CFAP44: variants seen among roughly 807,000 people sequenced by gnomAD.
CFAP44 encodes cilia- and flagella-associated protein 44.
Under a neutral mutation model 216.2 loss-of-function variants are expected in CFAP44, and 134 were observed. The ratio of observed to expected loss-of-function variants is 0.62; its 90% CI spans 0.54 to 0.72. The LOEUF is 0.72. Ranked by LOEUF, CFAP44 falls within the 30% of genes least tolerant of loss-of-function variation. The pLI is 0.00. For synonymous variants in CFAP44, 700 were observed against 727.6 expected (o/e 0.96, Z 0.61); for missense variants, 2,035 against 2,182.1 (o/e 0.93, Z 1.34).
intron 28 of CFAP44, among the ~76,000 whole-genome samples, chr3:113,311,169 A>C (rs1352184601): frequency 6.6e-6 from 1 of 152,242 alleles, no homozygotes; most frequent in African/African-American, 2.4e-5. Context: ...AAATTTGAAC[A>C]TACTTGAAGG....
At chr3:113,335,250 G>A (rs1176748082) in intron 24 of CFAP44, among the ~76,000 whole-genome samples, 1 of 152,182 alleles carries the variant, frequency 6.6e-6, no homozygotes, top group Non-Finnish European at 1.5e-5. Context: ...TAATTCTTGA[G>A]AAAAGTAAAA....
At chr3:113,335,043 G>C (rs1192975525) in intron 24 of CFAP44, among the ~76,000 whole-genome samples, 4 of 151,822 alleles carry the variant, frequency 2.6e-5, no homozygotes, top group Admixed American at 6.6e-5. Context: ...AAAGGAGAAA[G>C]GGAGAAAGGA....
intron 32 of CFAP44, among the ~76,000 whole-genome samples, chr3:113,297,398 T>C (rs1348843709): frequency 1.3e-5 from 2 of 151,624 alleles, no homozygotes; most frequent in Non-Finnish European, 3.0e-5. Flanking sequence ...TGGCCACCTC[T>C]GTGCTTCTCA....
intron 5 of CFAP44, among the ~76,000 whole-genome samples, chr3:113,417,600 T>C (rs1457995697): frequency 1.3e-5 from 2 of 152,240 alleles, no homozygotes; most frequent in African/African-American, 4.8e-5. Flanking sequence ...GGTTCTCAGA[T>C]ATAGATTGCT....
At chr3:113,375,622 T>TA (rs1933319488) in intron 17 of CFAP44, among the ~76,000 whole-genome samples, 1 of 152,174 alleles carries the variant, frequency 6.6e-6, no homozygotes. Context: ...TGTTGAAATT[T>TA]AGAGTGCTAC....
chr3:113,348,543 C>T (rs7627145), intron 22 of CFAP44, among the ~76,000 whole-genome samples: 13,878 of 152,214 alleles, frequency 0.091, 832 homozygotes, highest in African/African-American at 0.16. Flanking sequence ...TTGCAATTTA[C>T]ATCCCACAGG....
intron 16 of CFAP44, 84 bp from the exon 17 acceptor site, chr3:113,379,635 G>C (rs995905622): frequency 9.2e-7 from 1 of 1,084,092 alleles, no homozygotes; most frequent in African/African-American, 1.6e-5. Context: ...AATGAAAATA[G>C]AAAGAAGATA....
chr3:113,428,293 A>G (rs541293046), intron 2 of CFAP44, among the ~76,000 whole-genome samples: 3 of 152,356 alleles, frequency 2.0e-5, no homozygotes, highest in Non-Finnish European at 2.9e-5. Context: ...AGGAGTTAGA[A>G]CTGGTAGATA....
chr3:113,291,937 T>C (rs1451545461), intron 34 of CFAP44, among the ~76,000 whole-genome samples, 189 bp from the exon 35 acceptor site: 1 of 152,218 alleles, frequency 6.6e-6, no homozygotes, highest in Non-Finnish European at 1.5e-5. Context: ...TTTGGGCTAA[T>C]AAACAACTCT....
chr3:113,349,412 C>T (rs950176084), intron 22 of CFAP44, among the ~76,000 whole-genome samples: 1 of 152,096 alleles, frequency 6.6e-6, no homozygotes. Context: ...GAGGAACATG[C>T]CGAAAAGGAA....
intron 22 of CFAP44, among the ~76,000 whole-genome samples, chr3:113,353,462 A>T (rs1323861654): frequency 7.6e-6 from 1 of 131,684 alleles, no homozygotes; most frequent in Non-Finnish European, 1.7e-5. Flanking sequence ...ATACACACAC[A>T]CACACACACA....
intron 22 of CFAP44, among the ~76,000 whole-genome samples, chr3:113,355,047 C>T (rs968051179): frequency 3.3e-5 from 5 of 152,112 alleles, no homozygotes; most frequent in Admixed American, 2.0e-4. Flanking sequence ...ACCTGGAGCC[C>T]GGTAGCTCTG....
chr3:113,297,045 C>T (rs1249266071), intron 32 of CFAP44, 160 bp from the exon 33 acceptor site: 1 of 888,348 alleles, frequency 1.1e-6, no homozygotes. Flanking sequence ...CTGCTTTCCT[C>T]ATTTAAAAAT....
chr3:113,306,272 CA>C lies in CFAP44; in HGVS notation c.4686del (p.Ile1562MetfsTer5). ...ALHLREKRLDIEEALVEEKKI... is the reference protein window; with the variant it reads ...ALHLREKRLDXEEALVEEKKI... ...TTCTTTTCTTCAACTAAAGCCTCCT[CA>C]ATGTCCAGCCTTTTCTCTCGAAGGT... On this transcript the variant is annotated frameshift_variant, in exon 30 of 35. Transcript: ENST00000393845. LOFTEE classifies it high-confidence loss of function. 5 of 1,536,994 alleles carry C rather than the reference CA, an allele frequency of 3.3e-6. No homozygotes were observed. Among genetic ancestry groups the C allele is most frequent in the Non-Finnish European group, 4.4e-6 (5 of 1,146,756 alleles).
At chr3:113,342,194 G>A (rs1039574875) in intron 23 of CFAP44, among the ~76,000 whole-genome samples, 6 of 151,974 alleles carry the variant, frequency 3.9e-5, no homozygotes, top group South Asian at 2.1e-4. Flanking sequence ...TTAGCCAGCC[G>A]TGGTGGTGCA....
chr3:113,360,063 T>C (rs745569824), intron 21 of CFAP44, among the ~76,000 whole-genome samples: 1 of 151,658 alleles, frequency 6.6e-6, no homozygotes, highest in Non-Finnish European at 1.5e-5. Flanking sequence ...CCTATACTTA[T>C]GTCTTATCTT....
At position 113,366,072 on chromosome 3, in the gene CFAP44, C is replaced by T; in HGVS notation, c.2682G>A (p.Arg894=). The change falls in exon 19 of 35, where the codon AGG becomes AGA. Residue 894 remains arginine, a synonymous_variant. Coordinates refer to ENST00000393845, the MANE Select transcript of CFAP44 (RefSeq NM_001164496.2). ...VFNIFSEFML[R]KDMKAKVPSP... is the part of the protein sequence containing the mutation. ...ATGGAACTTTGGCCTTCATGTCTTT[C>T]CTTAGCATAAATTCAGAAAAAATGT... is the stretch of plus-strand genomic sequence containing the variant. 6.2e-7 allele frequency: 1 copy of T among 1,613,396 alleles called. No homozygotes were observed. Among genetic ancestry groups the T allele is most frequent in the African/African-American group, 1.3e-5 (1 of 74,988 alleles).
chr3:113,319,312 A>G (rs906904523), intron 28 of CFAP44, among the ~76,000 whole-genome samples: 22 of 152,238 alleles, frequency 1.4e-4, no homozygotes, highest in African/African-American at 4.6e-4. Context: ...ACAGACTTTA[A>G]ACCAATAAAA....
At chr3:113,400,867 C>T (rs1399153103) in intron 11 of CFAP44, among the ~76,000 whole-genome samples, 1 of 151,936 alleles carries the variant, frequency 6.6e-6, no homozygotes, top group Non-Finnish European at 1.5e-5. Flanking sequence ...GCGCAAGTCA[C>T]CTCAAATGCC....
Sources: gnomAD v4.1 joint callset for allele counts (sites outside exome capture counted in the v4.1 genomes callset) on GRCh38, gnomAD v4.1.1 for gene constraint, MANE v1.5 for transcripts, NCBI Gene and HGNC (gene_info 2026-07-23, HGNC 2026-07-21) for gene names.